EDA: variants seen among roughly 807,000 people sequenced by gnomAD.
EDA encodes ectodysplasin A.
Under a neutral mutation model 23.6 loss-of-function variants are expected in EDA, and 2 were observed. The ratio of observed to expected loss-of-function variants is 0.08; its 90% CI spans 0.03 to 0.27. EDA has a LOEUF of 0.27. Among genes scored for constraint, EDA ranks in the 10% least tolerant of loss-of-function variants. EDA has a pLI of 1.00. For synonymous variants in EDA, 131 were observed against 132.0 expected (o/e 0.99, Z 0.05); for missense variants, 229 against 324.2 (o/e 0.71, Z 2.26).
intron 1 of EDA, among the ~76,000 whole-genome samples, chrX:69,843,593 T>C (rs2016940637): frequency 9.0e-6 from 1 of 111,617 alleles, no homozygotes; most frequent in Non-Finnish European, 1.9e-5. Context: ...CATTCTGCCT[T>C]TCCTCTGCAT....
At chrX:69,678,372 G>A (rs1208172740) in intron 1 of EDA, among the ~76,000 whole-genome samples, 1 of 111,584 alleles carries the variant, frequency 9.0e-6, no homozygotes, top group Non-Finnish European at 1.9e-5. Context: ...GTCATTGGTA[G>A]CTTGATGGGG....
chrX:69,677,370 C>T (rs934075640), intron 1 of EDA, among the ~76,000 whole-genome samples: 1 of 111,032 alleles, frequency 9.0e-6, no homozygotes, highest in Non-Finnish European at 1.9e-5. Context: ...GTTCAAATGG[C>T]ATTTCTAGTT....
intron 2 of EDA, among the ~76,000 whole-genome samples, chrX:69,976,322 A>G (rs767968806): frequency 9.0e-6 from 1 of 111,174 alleles, no homozygotes; most frequent in Non-Finnish European, 1.9e-5. Context: ...GACACCAGAG[A>G]GGCAACGGAA....
At chrX:69,716,317 A>G (rs1330948961) in intron 1 of EDA, among the ~76,000 whole-genome samples, 1 of 111,810 alleles carries the variant, frequency 8.9e-6, no homozygotes, top group Non-Finnish European at 1.9e-5. Context: ...CCTTTATTGA[A>G]TAGAGGGATT....
intron 1 of EDA, among the ~76,000 whole-genome samples, chrX:69,884,924 A>G (rs2017805541): frequency 8.9e-6 from 1 of 112,385 alleles, no homozygotes; most frequent in Non-Finnish European, 1.9e-5. Context: ...GCAACATTTT[A>G]CATTCTTACT....
chrX:69,663,321 T>C (rs1318126459), intron 1 of EDA, among the ~76,000 whole-genome samples: 1 of 112,094 alleles, frequency 8.9e-6, no homozygotes, highest in Non-Finnish European at 1.9e-5. Flanking sequence ...CCCAGGGACT[T>C]GGTGTCCTGT....
chrX:69,786,385 G>C (rs1453387387), intron 1 of EDA, among the ~76,000 whole-genome samples: 1 of 103,753 alleles, frequency 9.6e-6, no homozygotes, highest in Non-Finnish European at 2.0e-5. Context: ...GTGATGTTAG[G>C]GTGTCAATTT....
chrX:69,734,722 G>A (rs1362824612), intron 1 of EDA, among the ~76,000 whole-genome samples: 1 of 111,551 alleles, frequency 9.0e-6, no homozygotes, highest in African/African-American at 3.3e-5. Context: ...TAATTTCCAA[G>A]CATTTGGAAA....
At chrX:69,649,017 C>T (rs12391411) in intron 1 of EDA, among the ~76,000 whole-genome samples, 1 of 111,488 alleles carries the variant, frequency 9.0e-6, no homozygotes, top group African/African-American at 3.3e-5. Flanking sequence ...CCTTTGGCTG[C>T]ATGTCACTCC....
At chrX:69,910,408 T>TGTGC (rs2018248306) in intron 1 of EDA, among the ~76,000 whole-genome samples, 1 of 107,277 alleles carries the variant, frequency 9.3e-6, no homozygotes, top group East Asian at 3.0e-4. Flanking sequence ...TGTGTGTGTG[T>TGTGC]GTGTGTGTGT....
At chrX:69,670,350 A>G in intron 1 of EDA, 1 of 359,588 alleles carries the variant, frequency 2.8e-6, no homozygotes, top group South Asian at 7.6e-5. Context: ...TTGACTTTTG[A>G]CAGTTTGATG....
At chrX:69,890,219 T>C (rs779837961) in intron 1 of EDA, among the ~76,000 whole-genome samples, 57 of 110,917 alleles carry the variant, frequency 5.1e-4, no homozygotes, top group Non-Finnish European at 9.4e-4. Flanking sequence ...GCTCAAAGAA[T>C]TCAGAGGTGA....
chrX:69,974,884 T>C (rs1484628764), intron 2 of EDA, among the ~76,000 whole-genome samples: 1 of 111,756 alleles, frequency 8.9e-6, no homozygotes, highest in Non-Finnish European at 1.9e-5. Context: ...CACTAATCAT[T>C]AGAGAAATGC....
intron 1 of EDA, among the ~76,000 whole-genome samples, chrX:69,747,641 G>A (rs1337788599): frequency 3.6e-5 from 4 of 112,163 alleles, no homozygotes; most frequent in Non-Finnish European, 5.6e-5. Context: ...GAGATAAGGT[G>A]ATCTTGGATT....
At chrX:69,800,107 G>C (rs2015645901) in intron 1 of EDA, among the ~76,000 whole-genome samples, 1 of 111,696 alleles carries the variant, frequency 9.0e-6, no homozygotes. Context: ...AGTGAAATAA[G>C]CCAGACACAG....
chrX:69,836,308 G>A (rs1486680950), intron 1 of EDA, among the ~76,000 whole-genome samples: 1 of 109,707 alleles, frequency 9.1e-6, no homozygotes, highest in Non-Finnish European at 1.9e-5. Context: ...GAAGTTGTCT[G>A]CTGCCTTTTG....
At chrX:69,738,150 T>G (rs1206415963) in intron 1 of EDA, among the ~76,000 whole-genome samples, 1 of 111,065 alleles carries the variant, frequency 9.0e-6, no homozygotes, top group Non-Finnish European at 1.9e-5. Flanking sequence ...CTTCAAATTA[T>G]TTTTTGCCTT....
At chrX:69,712,703 A>G (rs1348639728) in intron 1 of EDA, among the ~76,000 whole-genome samples, 1 of 111,387 alleles carries the variant, frequency 9.0e-6, no homozygotes, top group East Asian at 2.8e-4. Flanking sequence ...CAGCCATCCC[A>G]TTACTGGGTA....
intron 1 of EDA, among the ~76,000 whole-genome samples, chrX:69,867,298 C>T (rs1456205977): frequency 8.9e-6 from 1 of 111,951 alleles, no homozygotes; most frequent in Non-Finnish European, 1.9e-5. Context: ...ATGAGTCATC[C>T]TATTCACTTG....
Sources: allele counts gnomAD v4.1 joint callset (sites outside exome capture counted in the v4.1 genomes callset), GRCh38; gene constraint gnomAD v4.1.1; transcripts MANE v1.5; gene names NCBI Gene and HGNC (gene_info 2026-07-23, HGNC 2026-07-21).